Variants in UQCC6 observed in about 807,000 individuals in gnomAD.
UQCC6 encodes the protein protein BRAWNIN.
chr12:103,959,035 G>A, the UQCC6 span, among the ~76,000 whole-genome samples: 2 of 152,206 alleles, frequency 1.3e-5, no homozygotes, highest in South Asian at 2.1e-4. Context: ...AAGAAACACT[G>A]CGTATAACCA....
At chr12:103,958,268 T>C in the UQCC6 span, among the ~76,000 whole-genome samples, 1 of 151,578 alleles carries the variant, frequency 6.6e-6, no homozygotes, top group Admixed American at 6.6e-5. Flanking sequence ...TAAAGTTGTA[T>C]GTATGACAAA....
At chr12:103,955,090 G>A in the UQCC6 span, 116 of 596,266 alleles carry the variant, frequency 1.9e-4, 1 homozygote, top group African/African-American at 1.9e-3. Context: ...AGAGGCGGGC[G>A]GATCACTTGA....
chr12:103,953,475 C>T, the UQCC6 span: 5 of 702,264 alleles, frequency 7.1e-6, no homozygotes, highest in Non-Finnish European at 1.0e-5. Context: ...ATGGTCTCCT[C>T]TGCTCGACTC....
At chr12:103,957,894 T>TATATATATAATATATATTTTAAA in the UQCC6 span, among the ~76,000 whole-genome samples, 3 of 53,886 alleles carry the variant, frequency 5.6e-5, no homozygotes, top group African/African-American at 1.3e-4. Context: ...CTACTAAAAA[T>TATATATATAATATATATTTTAAA]ATATATATAT....
chr12:103,953,130 G>A, the UQCC6 span, among the ~76,000 whole-genome samples: 2 of 152,198 alleles, frequency 1.3e-5, no homozygotes, highest in South Asian at 4.1e-4. Context: ...TAGCTTTGCT[G>A]AGAATAGACC....
At chr12:103,954,721 C>A in the UQCC6 span, 1 of 496,048 alleles carries the variant, frequency 2.0e-6, no homozygotes, top group African/African-American at 2.0e-5. Flanking sequence ...ATTCACCAAA[C>A]AAGAAACAGT....
the UQCC6 span, among the ~76,000 whole-genome samples, chr12:103,958,192 G>A: frequency 1.3e-5 from 2 of 149,448 alleles, no homozygotes; most frequent in Non-Finnish European, 1.5e-5. Flanking sequence ...CTCCAGCCTG[G>A]GCAACAGAGC....
At chr12:103,951,727 A>G in the UQCC6 span, 3 of 657,170 alleles carry the variant, frequency 4.6e-6, no homozygotes, top group South Asian at 5.9e-5. Flanking sequence ...AAAAATAACA[A>G]AAAGTTCCCT....
At chr12:103,952,963 C>T in the UQCC6 span, among the ~76,000 whole-genome samples, 1 of 152,060 alleles carries the variant, frequency 6.6e-6, no homozygotes, top group Non-Finnish European at 1.5e-5. Context: ...ATAGCTGGTA[C>T]AAAGTATTCA....
chr12:103,950,533 G>A, the UQCC6 span: 3 of 152,194 alleles, frequency 2.0e-5, no homozygotes, highest in Middle Eastern at 3.2e-3. Flanking sequence ...CACCATAGCC[G>A]AGGCAATCCT....
Sources: gnomAD v4.1 joint callset for allele counts (sites outside exome capture counted in the v4.1 genomes callset) on GRCh38, gnomAD v4.1.1 for gene constraint, MANE v1.5 for transcripts, NCBI Gene and HGNC (gene_info 2026-07-23, HGNC 2026-07-21) for gene names.